Variants in TBCD observed in about 807,000 individuals in gnomAD.
TBCD encodes tubulin-specific chaperone D.
A neutral mutation model predicts 169.3 loss-of-function variants in TBCD; 105 were observed. That is an observed-to-expected ratio of 0.62 (90% CI 0.53 to 0.73). The LOEUF is 0.73. Among genes scored for constraint, TBCD ranks in the 30% least tolerant of loss-of-function variants. The pLI, the probability that TBCD is intolerant of heterozygous loss-of-function variation, is 0.00. For missense variants in TBCD, 1,444 were observed against 1,600.1 expected, an observed-to-expected ratio of 0.90 and a Z score of 1.66; for synonymous variants, 700 against 643.9, an observed-to-expected ratio of 1.09 and a Z score of -1.32.
At chr17:82,870,018 A>G (rs1041056794) in intron 13 of TBCD, among the ~76,000 whole-genome samples, 10 of 152,262 alleles carry the variant, frequency 6.6e-5, no homozygotes, top group Middle Eastern at 6.8e-3. Context: ...GTTGGTGAGC[A>G]TGCATCTTCC....
chr17:82,794,296 T>A (rs1270274888), intron 7 of TBCD, among the ~76,000 whole-genome samples: 1 of 151,242 alleles, frequency 6.6e-6, no homozygotes, highest in Non-Finnish European at 1.5e-5. Context: ...GAAGCCAGCT[T>A]GGGTGGGTAG....
intron 15 of TBCD, among the ~76,000 whole-genome samples, chr17:82,887,586 T>G (rs986015383): frequency 1.3e-5 from 2 of 152,180 alleles, no homozygotes; most frequent in African/African-American, 4.8e-5. Context: ...ACATTCGTGC[T>G]CAGGTTTTCG....
In TBCD at chr17:82,915,004, G is replaced by C. The variant is rs968048908; in HGVS notation, c.2038+3215G>C. ...TTAGCTGTCTGTTTTCCTTGCTTCTGTATTTCTGAGTTCTGTATGTACGCA... is the reference window on the plus strand; with the variant it reads ...TTAGCTGTCTGTTTTCCTTGCTTCTCTATTTCTGAGTTCTGTATGTACGCA... On this transcript the variant is annotated intron_variant, in intron 23 of 38. Coordinates refer to ENST00000355528, the MANE Select transcript of TBCD (RefSeq NM_005993.5). This position sits in a 1 kb window ranked among gnomAD's most constrained non-coding sequence, Gnocchi z 4.3. 6.6e-6 allele frequency among the ~76,000 whole-genome samples: 1 copy of C among 152,152 alleles called. No homozygotes were observed. The highest frequency in any genetic ancestry group is 1.5e-5 in the Non-Finnish European group (1 of 68,026).
intron 16 of TBCD, chr17:82,893,305 G>T (rs2059272797): frequency 1.9e-6 from 1 of 527,640 alleles, no homozygotes; most frequent in Non-Finnish European, 3.3e-6. Flanking sequence ...GTTTGAAAAA[G>T]ATGAAATACT....
chr17:82,767,271 G>C (rs1379060794), intron 4 of TBCD, among the ~76,000 whole-genome samples: 1 of 152,190 alleles, frequency 6.6e-6, no homozygotes, highest in African/African-American at 2.4e-5. Context: ...GGATGTGACT[G>C]ATGAGCGCTG....
intron 33 of TBCD, among the ~76,000 whole-genome samples, chr17:82,931,454 G>T (rs1036925542): frequency 2.6e-5 from 4 of 152,232 alleles, no homozygotes; most frequent in Non-Finnish European, 1.5e-5. Flanking sequence ...CTCAGCCCAT[G>T]GTCACTTGAG....
In TBCD at chr17:82,782,800, T is replaced by C. The variant is rs974779268; in HGVS notation, c.771+1079T>C. Among the ~76,000 whole-genome samples, 4 of 150,958 alleles carry C rather than the reference T, an allele frequency of 2.6e-5. No homozygotes were observed. Among genetic ancestry groups the C allele is most frequent in the African/African-American group, 9.8e-5 (4 of 40,892 alleles). ...CGTTGTCTTCCTGTCTGTGGCGTCG[T>C]CCTGTCTGCGGTGGCGTCGTCCTGT... On this transcript the variant is annotated intron_variant, in intron 7 of 38. Coordinates refer to ENST00000355528, the MANE Select transcript of TBCD (RefSeq NM_005993.5). This position sits in a 1 kb window ranked among gnomAD's most constrained non-coding sequence, Gnocchi z 5.1.
chr17:82,934,535 C>T (rs186232258), intron 34 of TBCD, among the ~76,000 whole-genome samples: 8 of 152,056 alleles, frequency 5.3e-5, no homozygotes, highest in Non-Finnish European at 8.8e-5. Flanking sequence ...TGAATTGGTG[C>T]GATCTCAGCT....
At chr17:82,849,701 T>C (rs80287308) in intron 13 of TBCD, among the ~76,000 whole-genome samples, 2,507 of 152,358 alleles carry the variant, frequency 0.016, 85 homozygotes, top group African/African-American at 0.057. Context: ...TGCTTTTGCC[T>C]GTGGTGCCAC....
chr17:82,824,989 G>C (rs1471029295), intron 13 of TBCD, among the ~76,000 whole-genome samples: 1 of 151,804 alleles, frequency 6.6e-6, no homozygotes, highest in Admixed American at 6.6e-5. Flanking sequence ...TTTGCTTTTA[G>C]AGATAGACAC....
intron 22 of TBCD, among the ~76,000 whole-genome samples, chr17:82,909,590 A>G (rs1181118059): frequency 1.5e-5 from 2 of 136,648 alleles, no homozygotes; most frequent in Non-Finnish European, 3.1e-5. Context: ...CCGCTGTGGG[A>G]GGCGCATGAG....
intron 13 of TBCD, among the ~76,000 whole-genome samples, chr17:82,854,556 G>A (rs1476531894): frequency 6.6e-6 from 1 of 152,200 alleles, no homozygotes; most frequent in African/African-American, 2.4e-5. Flanking sequence ...GTATGGGGGT[G>A]TACAGATACT....
At chr17:82,850,480 CTGT>C (rs1341235793) in intron 13 of TBCD, among the ~76,000 whole-genome samples, 3 of 143,690 alleles carry the variant, frequency 2.1e-5, no homozygotes, top group Non-Finnish European at 4.5e-5. Flanking sequence ...GTTGGCTGTG[CTGT>C]TGTTGGCTGT....
In TBCD at chr17:82,781,676, G is replaced by T; in HGVS notation, c.726G>T (p.Gln242His). The change falls in exon 7 of 39, where the codon CAG becomes CAT. Residue 242 changes from glutamine to histidine, a missense_variant. Gln to His is a conservative substitution (Grantham distance 24, BLOSUM62 0). Transcript: ENST00000355528. ...SLCNLARSSF[Q>H]TMQGVITMDG... ...GCAATCTGGCCCGTTCCTCCTTCCA[G>T]ACCATGCAGGGGGTCATCACCATGG... 1 of 1,613,886 alleles carries T rather than the reference G, an allele frequency of 6.2e-7. No individual in the cohort carries two copies. The highest frequency in any genetic ancestry group is 8.5e-7 in the Non-Finnish European group (1 of 1,179,884).
intron 15 of TBCD, among the ~76,000 whole-genome samples, chr17:82,888,492 T>G (rs916512557): frequency 6.6e-5 from 10 of 152,162 alleles, no homozygotes; most frequent in Non-Finnish European, 1.2e-4. Context: ...TTTTGGCGGG[T>G]TTTGTTTCTT....
chr17:82,797,706 TA>T (rs2050198184), intron 7 of TBCD, 50 bp from the exon 8 acceptor site: 9 of 1,378,638 alleles, frequency 6.5e-6, no homozygotes, highest in Middle Eastern at 1.8e-4. Context: ...GTGTATGTTT[TA>T]AACTTCTATT....
rs533943401 is a variant in TBCD at position 82,889,098 on chromosome 17, G to C, written c.1534-570G>C. 8.5e-4 allele frequency among the ~76,000 whole-genome samples: 129 copies of C among 152,326 alleles called. No individual in the cohort carries two copies. The highest frequency in any genetic ancestry group is 2.9e-3 in the African/African-American group (121 of 41,592). ...CTCTGCCTGGTCGGTGCGCCTAAGG[G>C]GGGCAGGGTGTTTGGGGAGGACATG... is the stretch of plus-strand genomic sequence containing the variant. On this transcript the variant is annotated intron_variant, in intron 15 of 38. Coordinates refer to ENST00000355528, the MANE Select transcript of TBCD (RefSeq NM_005993.5). The surrounding 1 kb of genome is among the most constrained non-coding windows in gnomAD (Gnocchi z 5.3).
At chr17:82,905,439 A>G (rs2060173417) in intron 19 of TBCD, among the ~76,000 whole-genome samples, 1 of 152,164 alleles carries the variant, frequency 6.6e-6, no homozygotes, top group African/African-American at 2.4e-5. Flanking sequence ...ACCCTGAGGG[A>G]TGCCAGTGTG....
At chr17:82,769,001 T>C (rs1435786026) in intron 5 of TBCD, among the ~76,000 whole-genome samples, 1 of 152,246 alleles carries the variant, frequency 6.6e-6, no homozygotes, top group East Asian at 1.9e-4. Flanking sequence ...CTCCGAACTT[T>C]TCCTGATGTA....
Sources: allele counts gnomAD v4.1 joint callset (sites outside exome capture counted in the v4.1 genomes callset), GRCh38; gene constraint gnomAD v4.1.1; non-coding constraint Gnocchi (gnomAD v3.1); transcripts MANE v1.5; gene names NCBI Gene and HGNC (gene_info 2026-07-23, HGNC 2026-07-21).